The following NTNG1 variants were observed in gnomAD, a reference collection of about 807,000 sequenced individuals.
The protein encoded by NTNG1 is netrin-G1.
Under a neutral mutation model 54.0 loss-of-function variants are expected in NTNG1, and 16 were observed. That is an observed-to-expected ratio of 0.30 (90% CI 0.20 to 0.45). The LOEUF (loss-of-function observed/expected upper bound fraction) is 0.45. NTNG1 is among the 20% of genes least tolerant of loss of function. The pLI, the probability that NTNG1 is intolerant of heterozygous loss-of-function variation, is 1.00. For synonymous variants in NTNG1, 255 were observed against 263.1 expected, an observed-to-expected ratio of 0.97 and a Z score of 0.30; for missense variants, 530 against 678.7, an observed-to-expected ratio of 0.78 and a Z score of 2.43.
Position 107,430,741 on chromosome 1 carries a change from C to G in NTNG1, c.1088-9C>G, listed in dbSNP as rs756299994. 6.2e-7 allele frequency: 1 copy of G among 1,613,034 alleles called. No individual in the cohort carries two copies. Among genetic ancestry groups the G allele is most frequent in the Admixed American group, 1.7e-5 (1 of 59,884 alleles). ...ACACTCTGTATACATTTCTGTTCTT[C>G]CTTGCAAGATTGTGAATGCTTCGGC... On this transcript the variant is annotated splice_polypyrimidine_tract_variant and intron_variant, in intron 5 of 7. Transcript: ENST00000370068.
intron 2 of NTNG1, among the ~76,000 whole-genome samples, chr1:107,297,887 C>T (rs1417655128): frequency 6.6e-6 from 1 of 151,996 alleles, no homozygotes; most frequent in Non-Finnish European, 1.5e-5. Context: ...GACATTGTCT[C>T]TATTGAGCAA....
intron 2 of NTNG1, among the ~76,000 whole-genome samples, chr1:107,275,472 G>T (rs967199584): frequency 4.6e-5 from 7 of 152,184 alleles, no homozygotes; most frequent in African/African-American, 1.7e-4. Context: ...CCCAAGATCT[G>T]CAGTTGGCAA....
At chr1:107,458,414 GA>G (rs1677080216) in intron 7 of NTNG1, among the ~76,000 whole-genome samples, 1 of 152,210 alleles carries the variant, frequency 6.6e-6, no homozygotes, top group Non-Finnish European at 1.5e-5. Context: ...AATAAACTGA[GA>G]GGCAAAATTA....
chr1:107,439,329 A>T (rs1675812125), intron 7 of NTNG1, among the ~76,000 whole-genome samples: 1 of 138,040 alleles, frequency 7.2e-6, no homozygotes, highest in Admixed American at 7.3e-5. Flanking sequence ...TGTTGGGAGT[A>T]AGGGAAGATG....
chr1:107,481,087 C>G lies in NTNG1; in HGVS notation c.*247C>G. 2.0e-6 allele frequency: 1 copy of G among 505,128 alleles called. No homozygotes were observed. The highest frequency in any genetic ancestry group is 3.5e-6 in the Non-Finnish European group (1 of 283,306). The allele number at this position is 505,128 out of a possible 1,614,324, so 31.3% of individuals were successfully genotyped here. A position where few individuals can be genotyped will look rare whatever the true frequency, so the allele number is the denominator to read the frequency against. On this transcript the variant is annotated 3_prime_UTR_variant, in exon 8 of 8. Transcript: ENST00000370068. ...ATATTATCACTGCAAATCACATTGC[C>G]AGCTGCAGAGCATATTGTGGATTGG...
rs145818886 is a variant in NTNG1, at chr1:107,211,118, C to G, written c.246+62279C>G. 4.5e-4 allele frequency among the ~76,000 whole-genome samples: 69 copies of G among 152,228 alleles called. No individual in the cohort carries two copies. In the East Asian group the frequency reaches 0.011, roughly 25 times the overall value. On this transcript the variant is annotated intron_variant, in intron 2 of 7. Transcript: ENST00000370068. ...TATTTCATATGTGTTGGTTTGCTTT[C>G]TAAACCTAGTGCTTCTTAAGGGTCT...
At chr1:107,272,064 G>A (rs952792744) in intron 2 of NTNG1, among the ~76,000 whole-genome samples, 11 of 151,980 alleles carry the variant, frequency 7.2e-5, no homozygotes, top group African/African-American at 2.2e-4. Context: ...AAATCAGCTT[G>A]GTAAAACATT....
In NTNG1 at chr1:107,364,188, C is replaced by T. The variant is rs1026155902; in HGVS notation, c.888-30966C>T. Among the ~76,000 whole-genome samples, 8 of 152,084 alleles carry T rather than the reference C, an allele frequency of 5.3e-5. 1 individual carries two copies. Among genetic ancestry groups the T allele is most frequent in the Non-Finnish European group, 1.0e-4 (7 of 67,996 alleles). On this transcript the variant is annotated intron_variant, in intron 3 of 7. Coordinates refer to ENST00000370068, the MANE Select transcript of NTNG1 (RefSeq NM_001113226.3). ...TCTTCCAAACCTTTTTCACACCATA[C>T]GTATTTTATATAATTGTTTTCAGAA...
rs148297985 is a variant in NTNG1 at position 107,475,414 on chromosome 1, C to T, written c.1391-5197C>T. 3.2e-3 allele frequency among the ~76,000 whole-genome samples: 495 copies of T among 152,312 alleles called. 2 individuals carry two copies. The highest frequency in any genetic ancestry group is 5.3e-3 in the Non-Finnish European group (362 of 68,028). On this transcript the variant is annotated intron_variant, in intron 7 of 7. Coordinates refer to ENST00000370068, the MANE Select transcript of NTNG1 (RefSeq NM_001113226.3). ...GATGGTTTCTAAAGTTTCCTGCAAG[C>T]TCTGATTTTACTGCTTCTATGCAAG...
intron 7 of NTNG1, among the ~76,000 whole-genome samples, chr1:107,468,610 G>A (rs374993633): frequency 8.6e-4 from 131 of 152,068 alleles, no homozygotes; most frequent in Middle Eastern, 3.4e-3. Flanking sequence ...TTCTCACCTC[G>A]GCTGTACTCC....
rs911362178 is a variant in NTNG1 at position 107,436,697 on chromosome 1, G to A, written c.1288G>A (p.Asp430Asn). 1.4e-5 allele frequency: 22 copies of A among 1,613,430 alleles called. No individual in the cohort carries two copies. Among genetic ancestry groups the A allele is most frequent in the East Asian group, 6.7e-5 (3 of 44,836 alleles). Reference protein sequence around the residue: ...CYCNPLGSIHDRCNGSGFCEC... With the variant: ...CYCNPLGSIHNRCNGSGFCEC... ...TTGTAACCCTTTGGGCTCAATCCAT[G>A]ATCGTTGTAATGGCTCAGGATTTTG... Residue 430 changes from aspartate (D) to asparagine (N), a missense_variant, in exon 7 of 8, where the codon GAT (aspartate) becomes AAT (asparagine). Asp to Asn is a conservative substitution (Grantham distance 23). This residue lies in a region of NTNG1 where 212 missense variants were observed against 213.6 expected (regional missense o/e 0.99). Transcript: ENST00000370068.
intron 2 of NTNG1, among the ~76,000 whole-genome samples, chr1:107,297,814 T>C (rs907297963): frequency 6.6e-6 from 1 of 152,114 alleles, no homozygotes; most frequent in African/African-American, 2.4e-5. Flanking sequence ...CTGATCTATT[T>C]CATGAAATAG....
intron 7 of NTNG1, among the ~76,000 whole-genome samples, chr1:107,445,847 A>G (rs1676276048): frequency 1.3e-5 from 2 of 152,058 alleles, no homozygotes; most frequent in Admixed American, 1.3e-4. Context: ...AACTTTTTTT[A>G]TGGATGCTGA....
chr1:107,197,172 G>A (rs1001079582), intron 2 of NTNG1, among the ~76,000 whole-genome samples: 18 of 151,980 alleles, frequency 1.2e-4, no homozygotes, highest in African/African-American at 4.3e-4. Context: ...CGCTGTATAT[G>A]TCTGTATGAT....
chr1:107,457,620 T>C (rs1012327655), intron 7 of NTNG1, among the ~76,000 whole-genome samples: 2 of 152,152 alleles, frequency 1.3e-5, no homozygotes, highest in South Asian at 4.1e-4. Flanking sequence ...CTAGAAAATC[T>C]TATGCATTTT....
At chr1:107,294,757 A>C (rs933762680) in intron 2 of NTNG1, among the ~76,000 whole-genome samples, 1 of 152,128 alleles carries the variant, frequency 6.6e-6, no homozygotes, top group African/African-American at 2.4e-5. Context: ...GTAGTTCTTT[A>C]GTGTTCATCT....
In NTNG1 at chr1:107,387,426, T is replaced by C. The variant is rs148526860; in HGVS notation, c.888-7728T>C. Among the ~76,000 whole-genome samples the C allele has an allele frequency of 1.3e-4, 20 of 152,374 alleles. No homozygotes were observed. The East Asian group carries it at 3.3e-3, about 25-fold the overall frequency. Reference sequence around the variant, plus strand: ...CTCTACAGTGTTTCTCAAAGCTTACTGTGCATCTAAGTCATGTGAAATCTT... The same window carrying C: ...CTCTACAGTGTTTCTCAAAGCTTACCGTGCATCTAAGTCATGTGAAATCTT... On this transcript the variant is annotated intron_variant, in intron 3 of 7. Transcript: ENST00000370068.
intron 2 of NTNG1, among the ~76,000 whole-genome samples, chr1:107,208,977 G>C (rs1265003760): frequency 6.6e-6 from 1 of 151,914 alleles, no homozygotes. Flanking sequence ...AACATCCTTA[G>C]TTATCCATTA....
intron 2 of NTNG1, among the ~76,000 whole-genome samples, chr1:107,187,701 G>A (rs752998485): frequency 3.3e-5 from 5 of 152,088 alleles, no homozygotes; most frequent in East Asian, 1.9e-4. Flanking sequence ...ACTAAATATC[G>A]CTACAACAAT....
Sources: allele counts gnomAD v4.1 joint callset (sites outside exome capture counted in the v4.1 genomes callset), GRCh38; gene constraint gnomAD v4.1.1; regional missense constraint gnomAD v4.1.1; transcripts MANE v1.5; gene names NCBI Gene and HGNC (gene_info 2026-07-23, HGNC 2026-07-21).